The following PLXDC2 variants were observed in gnomAD, a reference collection of about 807,000 sequenced individuals.
The protein encoded by PLXDC2 is plexin domain containing 2, also known as plexin domain-containing protein 2.
Under a neutral mutation model 68.9 loss-of-function variants are expected in PLXDC2, and 40 were observed. The ratio of observed to expected loss-of-function variants is 0.58; its 90% CI spans 0.45 to 0.76. The LOEUF (loss-of-function observed/expected upper bound fraction) is 0.76, where lower values mean the gene tolerates loss of function less well. PLXDC2 is among the 30% of genes least tolerant of loss of function. The pLI is 0.00. For synonymous variants in PLXDC2, 243 were observed against 234.2 expected, an observed-to-expected ratio of 1.04 and a Z score of -0.34; for missense variants, 644 against 661.9, an observed-to-expected ratio of 0.97 and a Z score of 0.30.
intron 2 of PLXDC2, among the ~76,000 whole-genome samples, chr10:20,020,486 A>T (rs1835289705): frequency 6.6e-6 from 1 of 151,862 alleles, no homozygotes; most frequent in African/African-American, 2.4e-5. Flanking sequence ...CTTCATTCAT[A>T]TGGACTCCTT....
At chr10:20,198,476 G>T (rs938062800) in intron 9 of PLXDC2, among the ~76,000 whole-genome samples, 1 of 151,894 alleles carries the variant, frequency 6.6e-6, no homozygotes, top group Non-Finnish European at 1.5e-5. Context: ...TGGGTACATG[G>T]TAGGTGTATA....
At chr10:19,984,929 C>T (rs1042319935) in intron 1 of PLXDC2, among the ~76,000 whole-genome samples, 3 of 152,114 alleles carry the variant, frequency 2.0e-5, no homozygotes, top group South Asian at 2.1e-4. Flanking sequence ...GTAGGAATTT[C>T]GGTTGTATAA....
chr10:19,933,881 A>G (rs567992331), intron 1 of PLXDC2, among the ~76,000 whole-genome samples: 1 of 149,630 alleles, frequency 6.7e-6, no homozygotes, highest in Non-Finnish European at 1.5e-5. Context: ...GGAGGGAGGG[A>G]AAAAAGGAAG....
At chr10:20,116,348 A>G (rs1833621445) in intron 4 of PLXDC2, among the ~76,000 whole-genome samples, 1 of 152,160 alleles carries the variant, frequency 6.6e-6, no homozygotes, top group African/African-American at 2.4e-5. Context: ...GAGGAGATGT[A>G]GTGTTGTTAT....
At chr10:19,956,239 A>G (rs968890410) in intron 1 of PLXDC2, among the ~76,000 whole-genome samples, 1 of 152,204 alleles carries the variant, frequency 6.6e-6, no homozygotes, top group African/African-American at 2.4e-5. Flanking sequence ...TTGACTGGAA[A>G]TATTAGTGAA....
In PLXDC2 at chr10:20,012,303, C is replaced by CTCTTTTTT. The variant is rs1835129350; in HGVS notation, c.324+10318_324+10319insCTTTTTTT. 5.0e-4 allele frequency among the ~76,000 whole-genome samples: 33 copies of CTCTTTTTT among 65,588 alleles called. 1 individual carries two copies. Among genetic ancestry groups the CTCTTTTTT allele is most frequent in the African/African-American group, 2.3e-3 (30 of 13,156 alleles). The allele number at this position is 65,588 out of a possible 152,430, so 43.0% of individuals were successfully genotyped here. ...GATAAGAGTCTCTCTCTCTCTCTCT[C>CTCTTTTTT]TTTTTTATTTTTTTTTTTTTTTTTT... On this transcript the variant is annotated intron_variant, in intron 2 of 13. Transcript: ENST00000377252.
At chr10:20,240,973 T>C (rs1588537821) in intron 12 of PLXDC2, among the ~76,000 whole-genome samples, 1 of 152,206 alleles carries the variant, frequency 6.6e-6, no homozygotes, top group Admixed American at 6.5e-5. Flanking sequence ...GTCTTCTGGT[T>C]AGTATTGAGA....
Position 20,287,754 on chromosome 10 carries a change from G to C in PLXDC2, c.*7935G>C, listed in dbSNP as rs1836175698. ...GAGAAGAGGGGGAAGTCTTTTCATT[G>C]ATTGGTCAAAACAAATCTCTCATTT... is the stretch of plus-strand genomic sequence containing the variant. On this transcript the variant is annotated 3_prime_UTR_variant, in exon 14 of 14. Transcript: ENST00000377252. 6.6e-6 allele frequency: 1 copy of C among 152,006 alleles called. No individual in the cohort carries two copies. Among genetic ancestry groups the C allele is most frequent in the Non-Finnish European group, 1.5e-5 (1 of 68,018 alleles). The allele number at this position is 152,006 out of a possible 1,614,324, so 9.4% of individuals were successfully genotyped here.
chr10:20,253,400 A>T (rs373742742), intron 13 of PLXDC2, among the ~76,000 whole-genome samples: 1 of 138,942 alleles, frequency 7.2e-6, no homozygotes. Flanking sequence ...TAATAATAAT[A>T]ATTTGTTTTC....
intron 4 of PLXDC2, among the ~76,000 whole-genome samples, chr10:20,141,125 A>G (rs565883783): frequency 6.6e-6 from 1 of 152,222 alleles, no homozygotes; most frequent in Admixed American, 6.5e-5. Context: ...TTGAAATTTC[A>G]CCTTTGACAT....
intron 1 of PLXDC2, among the ~76,000 whole-genome samples, chr10:19,835,730 G>A (rs1042915377): frequency 2.6e-5 from 4 of 152,120 alleles, no homozygotes; most frequent in Admixed American, 2.6e-4. Flanking sequence ...AGGCAGATTA[G>A]GAAAAGCATC....
chr10:20,084,643 A>G (rs1465298362), intron 4 of PLXDC2, among the ~76,000 whole-genome samples: 2 of 152,064 alleles, frequency 1.3e-5, no homozygotes, highest in Non-Finnish European at 2.9e-5. Context: ...AAGAAGGAAT[A>G]AACTAGCCTC....
chr10:20,248,650 G>A (rs568545353), intron 13 of PLXDC2, among the ~76,000 whole-genome samples: 45 of 152,256 alleles, frequency 3.0e-4, no homozygotes, highest in African/African-American at 1.0e-3. Flanking sequence ...CTGGTAAGCA[G>A]CTGATTTTTG....
intron 1 of PLXDC2, among the ~76,000 whole-genome samples, chr10:19,928,188 C>T (rs968312403): frequency 5.3e-5 from 8 of 152,176 alleles, no homozygotes; most frequent in African/African-American, 1.9e-4. Flanking sequence ...TTTGTCCACT[C>T]ATTGGTTGAT....
At chr10:20,249,374 C>G (rs771138197) in intron 13 of PLXDC2, among the ~76,000 whole-genome samples, 1 of 152,192 alleles carries the variant, frequency 6.6e-6, no homozygotes, top group Non-Finnish European at 1.5e-5. Flanking sequence ...TAAAATAACA[C>G]ACACTTGTCT....
At chr10:20,059,834 A>G (rs1158194078) in intron 3 of PLXDC2, among the ~76,000 whole-genome samples, 2 of 152,114 alleles carry the variant, frequency 1.3e-5, no homozygotes, top group South Asian at 2.1e-4. Flanking sequence ...CCACTATGCT[A>G]TTTTATTTTG....
At chr10:19,835,689 G>A (rs914288) in intron 1 of PLXDC2, among the ~76,000 whole-genome samples, 1,633 of 152,266 alleles carry the variant, frequency 0.011, 36 homozygotes, top group African/African-American at 0.037. Flanking sequence ...GCCCCCAGGC[G>A]GGAGATATAG....
intron 1 of PLXDC2, among the ~76,000 whole-genome samples, chr10:19,990,511 T>TGA: frequency 6.6e-6 from 1 of 152,100 alleles, no homozygotes; most frequent in East Asian, 1.9e-4. Flanking sequence ...CGCTGGATTC[T>TGA]AAGTGTTAGA....
At chr10:20,151,155 G>A (rs1834147364) in intron 6 of PLXDC2, among the ~76,000 whole-genome samples, 2 of 152,030 alleles carry the variant, frequency 1.3e-5, no homozygotes, top group Non-Finnish European at 2.9e-5. Flanking sequence ...ATTTTGCTAA[G>A]GCAAATTGTT....
Sources: gnomAD v4.1 joint callset for allele counts (sites outside exome capture counted in the v4.1 genomes callset) on GRCh38, gnomAD v4.1.1 for gene constraint, MANE v1.5 for transcripts, NCBI Gene and HGNC (gene_info 2026-07-23, HGNC 2026-07-21) for gene names.